CYBA: variants seen among roughly 807,000 people sequenced by gnomAD.
The protein encoded by CYBA is cytochrome b-245 alpha chain.
Under a neutral mutation model 20.8 loss-of-function variants are expected in CYBA, and 21 were observed. The ratio of observed to expected loss-of-function variants is 1.01; its 90% CI spans 0.72 to 1.46. CYBA has a LOEUF of 1.46. Among genes scored for constraint, CYBA ranks in the 40% most tolerant of loss-of-function variants. The probability of loss-of-function intolerance (pLI) is 0.00; values close to 1 mark genes in which losing one functional copy is unlikely to be tolerated. For synonymous variants in CYBA, 164 were observed against 127.5 expected (o/e 1.29, Z -1.93); for missense variants, 344 against 287.0 (o/e 1.20, Z -1.43).
chr16:88,644,081 C>G (rs1907189959), intron 5 of CYBA, among the ~76,000 whole-genome samples: 1 of 152,214 alleles, frequency 6.6e-6, no homozygotes, highest in Non-Finnish European at 1.5e-5. Context: ...CTGGCTTTTA[C>G]TAAAAATACA....
At chr16:88,645,921 C>T (rs1201275749) in intron 5 of CYBA, 195 bp downstream of exon 5, 3 of 609,360 alleles carry the variant, frequency 4.9e-6, no homozygotes, top group Non-Finnish European at 8.9e-6. Flanking sequence ...TGACCCGACA[C>T]ACTAGACACG....
Position 88,643,686 on chromosome 16 carries a change from C to T in CYBA, c.370-115G>A, listed in dbSNP as rs1387190464. Reference sequence around the variant, plus strand: ...GGGACAGGCTCAAGTCTGAATCCCACGCAGGATGGTGTGACTGCCACTCAG... The same window carrying T: ...GGGACAGGCTCAAGTCTGAATCCCATGCAGGATGGTGTGACTGCCACTCAG... On this transcript the variant is annotated intron_variant, in intron 5 of 5. Coordinates refer to ENST00000261623, the MANE Select transcript of CYBA (RefSeq NM_000101.4). This position sits in a 1 kb window ranked among gnomAD's most constrained non-coding sequence, Gnocchi z 4.3. 43 of 1,002,700 alleles carry T rather than the reference C, an allele frequency of 4.3e-5. No individual in the cohort carries two copies. Among genetic ancestry groups the T allele is most frequent in the Non-Finnish European group, 6.4e-5 (43 of 674,782 alleles). 62.1% of individuals were successfully genotyped at this position (1,002,700 alleles called of 1,614,324 possible).
At chr16:88,649,400 G>A (rs893615865) in intron 1 of CYBA, among the ~76,000 whole-genome samples, 1 of 152,208 alleles carries the variant, frequency 6.6e-6, no homozygotes, top group East Asian at 1.9e-4. Context: ...TTTGGGGACC[G>A]TCCTGGTCCC....
intron 5 of CYBA, among the ~76,000 whole-genome samples, chr16:88,644,471 T>C (rs1272097012): frequency 6.6e-6 from 1 of 152,198 alleles, no homozygotes; most frequent in Non-Finnish European, 1.5e-5. Context: ...GCATCCCCAG[T>C]GTTTAAAGGT....
intron 1 of CYBA, 132 bp downstream of exon 1, chr16:88,650,824 T>A: frequency 2.1e-6 from 2 of 970,974 alleles, no homozygotes; most frequent in Non-Finnish European, 3.2e-6. Context: ...CGCACCCTCC[T>A]GGCCTGACCC....
At chr16:88,644,479 G>A (rs942474860) in intron 5 of CYBA, among the ~76,000 whole-genome samples, 1 of 152,176 alleles carries the variant, frequency 6.6e-6, no homozygotes, top group Admixed American at 6.6e-5. Context: ...AGTGTTTAAA[G>A]GTTACAAAGG....
intron 5 of CYBA, among the ~76,000 whole-genome samples, chr16:88,644,518 CT>C (rs537573186): frequency 4.4e-4 from 67 of 152,192 alleles, no homozygotes; most frequent in Non-Finnish European, 7.8e-4. Flanking sequence ...TGTGGACTTC[CT>C]GCAACTTAAG....
Position 88,643,494 on chromosome 16 carries a change from C to T in CYBA, c.447G>A (p.Lys149=). ...RERPQIGGTI[K]QPPSNPPPRP... Reference sequence around the variant, plus strand: ...GCGGCGGGGGGTTGCTGGGCGGCTGCTTGATGGTGCCTCCGATCTGCGGCC... The same window carrying T: ...GCGGCGGGGGGTTGCTGGGCGGCTGTTTGATGGTGCCTCCGATCTGCGGCC... Residue 149 remains lysine, a synonymous_variant, in exon 6 of 6, where the codon AAG becomes AAA. Transcript: ENST00000261623. This position sits in a 1 kb window ranked among gnomAD's most constrained non-coding sequence, Gnocchi z 4.3. 1.3e-6 allele frequency: 2 copies of T among 1,533,966 alleles called. No homozygotes were observed. The highest frequency in any genetic ancestry group is 1.7e-6 in the Non-Finnish European group (2 of 1,145,744).
chr16:88,646,462 C>A (rs538942543), intron 4 of CYBA: 1 of 695,588 alleles, frequency 1.4e-6, no homozygotes, highest in African/African-American at 1.7e-5. Flanking sequence ...ACACACAGCA[C>A]GGAACCCTCC....
At chr16:88,644,553 G>A (rs1229072045) in intron 5 of CYBA, among the ~76,000 whole-genome samples, 2 of 152,228 alleles carry the variant, frequency 1.3e-5, no homozygotes, top group Non-Finnish European at 2.9e-5. Flanking sequence ...GGCCGGGCGC[G>A]GTGGCTCACG....
At chr16:88,650,821 T>A in intron 1 of CYBA, 135 bp downstream of exon 1, 1 of 931,474 alleles carries the variant, frequency 1.1e-6, no homozygotes. Flanking sequence ...CCCCGCACCC[T>A]CCTGGCCTGA....
At chr16:88,647,664 C>T (rs1016694786) in intron 2 of CYBA, 6 of 385,182 alleles carry the variant, frequency 1.6e-5, no homozygotes, top group Non-Finnish European at 2.5e-5. Flanking sequence ...TGCTCCTTGT[C>T]GCAAGGTCCG....
chr16:88,650,895 G>C, intron 1 of CYBA, 61 bp downstream of exon 1: 6 of 1,518,330 alleles, frequency 4.0e-6, no homozygotes, highest in Non-Finnish European at 5.4e-6. Context: ...CCGAGGTCCC[G>C]GCTGGGGTCT....
At chr16:88,648,986 G>A (rs181389154) in intron 1 of CYBA, among the ~76,000 whole-genome samples, 1 of 142,348 alleles carries the variant, frequency 7.0e-6, no homozygotes, top group Non-Finnish European at 1.5e-5. Context: ...CACCCAGGCT[G>A]GAGTTCCGTG....
chr16:88,645,015 TG>T, intron 5 of CYBA: 1 of 617,608 alleles, frequency 1.6e-6, no homozygotes, highest in Non-Finnish European at 2.9e-6. Context: ...TAGTGCATGG[TG>T]GGAGAGATGG....
Position 88,643,339 on chromosome 16 carries a change from G to A in CYBA, c.*14C>T. The A allele has an allele frequency of 2.0e-6, 3 of 1,502,434 alleles. No homozygotes were observed. In the South Asian group the frequency reaches 3.7e-5, roughly 19 times the overall value. 93.1% of individuals were successfully genotyped at this position (1,502,434 alleles called of 1,614,324 possible). A position where few individuals can be genotyped will look rare whatever the true frequency, so the allele number is the denominator to read the frequency against. On this transcript the variant is annotated 3_prime_UTR_variant, in exon 6 of 6. Coordinates refer to ENST00000261623, the MANE Select transcript of CYBA (RefSeq NM_000101.4). This position sits in a 1 kb window ranked among gnomAD's most constrained non-coding sequence, Gnocchi z 4.3. ...GGTGGGTGCACCTGGCGGGAGGGCA[G>A]GTCCGGGGCGAGGTCACACGACCTC...
chr16:88,649,925 A>G (rs1167349079), intron 1 of CYBA, among the ~76,000 whole-genome samples: 1 of 152,170 alleles, frequency 6.6e-6, no homozygotes, highest in Non-Finnish European at 1.5e-5. Flanking sequence ...CTCACGGGGC[A>G]GCTCTGGGGA....
Position 88,643,289 on chromosome 16 carries a change from TC to T in CYBA, c.*63del. On this transcript the variant is annotated 3_prime_UTR_variant, in exon 6 of 6. Transcript: ENST00000261623. The surrounding 1 kb of genome is among the most constrained non-coding windows in gnomAD (Gnocchi z 4.3). ...CGGCCCCAGGCAGAGGCTCACGCGC[TC>T]CCGGCTTCGCTGCATTTATTGCAGG... 1.6e-6 allele frequency: 2 copies of T among 1,277,384 alleles called. No homozygotes were observed. Among genetic ancestry groups the T allele is most frequent in the Non-Finnish European group, 2.1e-6 (2 of 957,190 alleles). The allele number at this position is 1,277,384 out of a possible 1,614,324, so 79.1% of individuals were successfully genotyped here.
chr16:88,650,661 C>A, intron 1 of CYBA: 1 of 595,954 alleles, frequency 1.7e-6, no homozygotes, highest in Non-Finnish European at 3.1e-6. Context: ...CGCCTCTTCC[C>A]CTGCGCTGCA....
Sources: allele counts gnomAD v4.1 joint callset (sites outside exome capture counted in the v4.1 genomes callset), GRCh38; gene constraint gnomAD v4.1.1; non-coding constraint Gnocchi (gnomAD v3.1); transcripts MANE v1.5; gene names NCBI Gene and HGNC (gene_info 2026-07-23, HGNC 2026-07-21).